Variants in STRN observed in about 807,000 individuals in gnomAD.
STRN encodes the protein protein phosphatase 2 regulatory subunit B'''alpha.
A neutral mutation model predicts 96.3 loss-of-function variants in STRN; 53 were observed. The observed-to-expected ratio is 0.55, with a 90% CI of 0.44 to 0.69. The LOEUF (loss-of-function observed/expected upper bound fraction) is 0.69, where lower values mean the gene tolerates loss of function less well. STRN is among the 30% of genes least tolerant of loss of function. The pLI is 0.00. For synonymous variants in STRN, 428 were observed against 355.9 expected (o/e 1.20, Z -2.28); for missense variants, 987 against 963.9 (o/e 1.02, Z -0.32).
chr2:36,894,998 C>CA (rs1205077746), intron 6 of STRN, among the ~76,000 whole-genome samples: 1 of 152,152 alleles, frequency 6.6e-6, no homozygotes, highest in Non-Finnish European at 1.5e-5. Flanking sequence ...ATAAACAACT[C>CA]CTATCTAGCC....
At chr2:36,959,924 A>T (rs1664986262) in intron 1 of STRN, among the ~76,000 whole-genome samples, 1 of 152,166 alleles carries the variant, frequency 6.6e-6, no homozygotes, top group African/African-American at 2.4e-5. Flanking sequence ...CCCTCTGATT[A>T]TTCTAAGATT....
At chr2:36,955,229 T>C (rs1479101115) in intron 1 of STRN, among the ~76,000 whole-genome samples, 1 of 152,190 alleles carries the variant, frequency 6.6e-6, no homozygotes, top group East Asian at 1.9e-4. Flanking sequence ...TCATGGGTTC[T>C]AAACTAGACT....
Position 36,902,605 on chromosome 2 carries a change from A to T in STRN, c.638T>A (p.Val213Asp). ...DSVVNGTEAE[V>D]KETAMIAKSE... ...TTACGCAATCATTGCTGTCTCTTTAACTTCAGCCTCTGTGCCATTTACAAC... is the reference window on the plus strand; with the variant it reads ...TTACGCAATCATTGCTGTCTCTTTATCTTCAGCCTCTGTGCCATTTACAAC... Residue 213 changes from valine to aspartate, a missense_variant, in exon 5 of 18, where the codon GTT becomes GAT. By Grantham distance (152) the Val-to-Asp change is radical (BLOSUM62 -3). Transcript: ENST00000263918. 1 of 1,608,156 alleles carries T rather than the reference A, an allele frequency of 6.2e-7. No homozygotes were observed. Among genetic ancestry groups the T allele is most frequent in the Non-Finnish European group, 8.5e-7 (1 of 1,176,210 alleles).
At chr2:36,895,074 T>A (rs1669502430) in intron 6 of STRN, among the ~76,000 whole-genome samples, 1 of 152,062 alleles carries the variant, frequency 6.6e-6, no homozygotes, top group Non-Finnish European at 1.5e-5. Context: ...ATGCCTGTAA[T>A]CCCAGCACTT....
intron 15 of STRN, among the ~76,000 whole-genome samples, chr2:36,853,660 A>C (rs1211722405): frequency 6.6e-6 from 1 of 152,192 alleles, no homozygotes; most frequent in African/African-American, 2.4e-5. Flanking sequence ...ATTTATTCCT[A>C]TTCTAACAAA....
At chr2:36,852,559 G>C (rs1668246656) in intron 15 of STRN, among the ~76,000 whole-genome samples, 2 of 152,124 alleles carry the variant, frequency 1.3e-5, no homozygotes. Flanking sequence ...CACATATATA[G>C]AGTGAAAAAG....
intron 7 of STRN, among the ~76,000 whole-genome samples, chr2:36,887,421 G>C (rs1203317563): frequency 6.6e-6 from 1 of 151,816 alleles, no homozygotes; most frequent in Non-Finnish European, 1.5e-5. Flanking sequence ...AATGAGCCGA[G>C]ATTGTGCCAT....
At chr2:36,915,274 A>ATATATAT (rs1274039251) in intron 3 of STRN, among the ~76,000 whole-genome samples, 1 of 96,658 alleles carries the variant, frequency 1.0e-5, no homozygotes, top group South Asian at 4.3e-4. Flanking sequence ...TATATATATA[A>ATATATAT]AGCCTCTAGC....
In STRN at chr2:36,947,569, T is replaced by TTA. The variant is rs951432929; in HGVS notation, c.234+18659_234+18660dup. On this transcript the variant is annotated intron_variant, in intron 1 of 17. Coordinates refer to ENST00000263918, the MANE Select transcript of STRN (RefSeq NM_003162.4). ...AACATATATATTATTTACATATATA[T>TTA]TATATATATATATATATAAAATCAC... 9.8e-3 allele frequency among the ~76,000 whole-genome samples: 1,424 copies of TTA among 145,740 alleles called. 6 individuals carry two copies. Among genetic ancestry groups the TTA allele is most frequent in the African/African-American group, 0.016 (639 of 40,130 alleles).
chr2:36,844,306 C>G lies in STRN; in HGVS notation c.*5150G>C, dbSNP rs1668014437. On this transcript the variant is annotated 3_prime_UTR_variant, in exon 18 of 18. Transcript: ENST00000263918. Reference sequence around the variant, plus strand: ...GTAGGGAGGGAGATGTGTGGTAGACCAAAGACTTTCTGATTGCTGATAATA... The same window carrying G: ...GTAGGGAGGGAGATGTGTGGTAGACGAAAGACTTTCTGATTGCTGATAATA... 6.6e-6 allele frequency: 1 copy of G among 152,034 alleles called. No individual in the cohort carries two copies. The highest frequency in any genetic ancestry group is 2.1e-4 in the South Asian group (1 of 4,822). The allele number at this position is 152,034 out of a possible 1,614,324, so 9.4% of individuals were successfully genotyped here.
chr2:36,863,565 T>C (rs190630300), intron 12 of STRN, among the ~76,000 whole-genome samples: 1 of 152,358 alleles, frequency 6.6e-6, no homozygotes, highest in East Asian at 1.9e-4. Context: ...GATGTTTTGG[T>C]TACTACAGCC....
At chr2:36,895,983 C>T (rs1408896432) in intron 6 of STRN, among the ~76,000 whole-genome samples, 1 of 152,066 alleles carries the variant, frequency 6.6e-6, no homozygotes, top group Non-Finnish European at 1.5e-5. Context: ...CACCCCAATT[C>T]TCAGAGTTCC....
chr2:36,893,087 T>C (rs983049060), intron 7 of STRN, among the ~76,000 whole-genome samples: 21 of 151,822 alleles, frequency 1.4e-4, no homozygotes, highest in African/African-American at 5.1e-4. Context: ...AAAGTAAATA[T>C]ACTGCTGAGC....
chr2:36,877,441 C>T (rs755794784), intron 10 of STRN, among the ~76,000 whole-genome samples: 20 of 152,182 alleles, frequency 1.3e-4, no homozygotes, highest in Admixed American at 1.2e-3. Flanking sequence ...TTTTTCTTTA[C>T]GTATCTTTCA....
At chr2:36,926,832 G>A (rs952963963) in intron 1 of STRN, among the ~76,000 whole-genome samples, 10 of 152,100 alleles carry the variant, frequency 6.6e-5, no homozygotes, top group Non-Finnish European at 1.2e-4. Context: ...TATATATTCT[G>A]CAGTGGGATA....
Position 36,843,029 on chromosome 2 carries a change from C to A in STRN, c.*6427G>T, listed in dbSNP as rs1172474039. Among the ~76,000 whole-genome samples, 1 of 152,108 alleles carries A rather than the reference C, an allele frequency of 6.6e-6. No individual in the cohort carries two copies. The highest frequency in any genetic ancestry group is 1.5e-5 in the Non-Finnish European group (1 of 68,012). On this transcript the variant is annotated 3_prime_UTR_variant, in exon 18 of 18. Transcript: ENST00000263918. ...ATACTACCTGGCAATCTTAGGCTGA[C>A]CCCAGGAGGTTCATCAATCCGTGAA...
intron 9 of STRN, among the ~76,000 whole-genome samples, chr2:36,878,610 T>G (rs1668978145): frequency 6.6e-6 from 1 of 152,172 alleles, no homozygotes; most frequent in Admixed American, 6.5e-5. Flanking sequence ...AATGTTCTAC[T>G]TGTTGACCTA....
intron 1 of STRN, among the ~76,000 whole-genome samples, chr2:36,959,212 T>C (rs920405841): frequency 5.3e-5 from 8 of 152,062 alleles, no homozygotes; most frequent in African/African-American, 1.7e-4. Flanking sequence ...TAAAATAAGC[T>C]AGAAAGCAGT....
intron 3 of STRN, among the ~76,000 whole-genome samples, chr2:36,905,866 T>C (rs1333638435): frequency 3.3e-5 from 5 of 152,194 alleles, no homozygotes; most frequent in Admixed American, 2.6e-4. Flanking sequence ...TTTCCCTGTC[T>C]TTAACTAGAC....
Sources: allele counts gnomAD v4.1 joint callset (sites outside exome capture counted in the v4.1 genomes callset), GRCh38; gene constraint gnomAD v4.1.1; transcripts MANE v1.5; gene names NCBI Gene and HGNC (gene_info 2026-07-23, HGNC 2026-07-21).